The following OPCML variants were observed in gnomAD, a reference collection of about 807,000 sequenced individuals.
The protein encoded by OPCML is opioid binding protein/cell adhesion molecule like, also known as opioid-binding protein/cell adhesion molecule.
A neutral mutation model predicts 37.8 loss-of-function variants in OPCML; 13 were observed. The ratio of observed to expected loss-of-function variants is 0.34; its 90% CI spans 0.22 to 0.55. The LOEUF (loss-of-function observed/expected upper bound fraction) is 0.55, where lower values mean the gene tolerates loss of function less well. Among genes scored for constraint, OPCML ranks in the 20% least tolerant of loss-of-function variants. The pLI is 0.91. For missense variants in OPCML, 341 were observed against 435.6 expected, an observed-to-expected ratio of 0.78 and a Z score of 1.93; for synonymous variants, 176 against 168.8, an observed-to-expected ratio of 1.04 and a Z score of -0.33.
At chr11:132,708,182 G>T (rs1409993500) in intron 2 of OPCML, among the ~76,000 whole-genome samples, 1 of 152,192 alleles carries the variant, frequency 6.6e-6, no homozygotes, top group Non-Finnish European at 1.5e-5. Context: ...ACTAGAAAAT[G>T]ATTCCTATGC....
At chr11:132,586,149 T>C (rs1347402554) in intron 3 of OPCML, among the ~76,000 whole-genome samples, 2 of 152,168 alleles carry the variant, frequency 1.3e-5, no homozygotes, top group African/African-American at 4.8e-5. Flanking sequence ...CCCACATTGT[T>C]TCATTTGCCT....
chr11:132,477,029 C>A (rs1453571175), intron 4 of OPCML, among the ~76,000 whole-genome samples: 2 of 152,126 alleles, frequency 1.3e-5, no homozygotes, highest in Non-Finnish European at 2.9e-5. Flanking sequence ...AAATTGACCA[C>A]TTATCTTTGG....
At chr11:132,720,317 C>G (rs1273925317) in intron 2 of OPCML, among the ~76,000 whole-genome samples, 2 of 152,202 alleles carry the variant, frequency 1.3e-5, no homozygotes, top group Non-Finnish European at 2.9e-5. Context: ...CCCTCTCTCC[C>G]AAGTCGTTGT....
intron 1 of OPCML, among the ~76,000 whole-genome samples, chr11:133,410,634 TAAAAAAAAAAAAA>T (rs71038527): frequency 5.3e-4 from 25 of 47,008 alleles, no homozygotes; most frequent in South Asian, 2.5e-3. Context: ...AGAAAAAAAG[TAAAAAAAAAAAAA>T]AAAAAAAAAA....
chr11:132,893,420 G>A (rs1943726425), intron 2 of OPCML, among the ~76,000 whole-genome samples: 2 of 152,190 alleles, frequency 1.3e-5, no homozygotes, highest in South Asian at 4.1e-4. Flanking sequence ...TGGGCACTCA[G>A]CTAGCCCATC....
chr11:132,963,877 A>T (rs1411299513), intron 1 of OPCML, among the ~76,000 whole-genome samples: 1 of 152,082 alleles, frequency 6.6e-6, no homozygotes, highest in East Asian at 1.9e-4. Context: ...GGCACCTAAG[A>T]TTTCAGGGCC....
intron 1 of OPCML, among the ~76,000 whole-genome samples, chr11:133,320,731 A>C (rs1205585961): frequency 6.6e-6 from 1 of 152,216 alleles, no homozygotes; most frequent in Non-Finnish European, 1.5e-5. Flanking sequence ...CAATGTATAA[A>C]TAAACAGTAT....
intron 1 of OPCML, among the ~76,000 whole-genome samples, chr11:133,235,607 C>T (rs1940477244): frequency 6.6e-6 from 1 of 152,220 alleles, no homozygotes; most frequent in Admixed American, 6.5e-5. Context: ...CATGCAGCTG[C>T]TGCCTGTAAG....
At chr11:132,935,142 A>G (rs1238436938) in intron 2 of OPCML, among the ~76,000 whole-genome samples, 1 of 123,886 alleles carries the variant, frequency 8.1e-6, no homozygotes, top group East Asian at 2.1e-4. Flanking sequence ...TCCATCTCAG[A>G]AAAAAAAAAA....
chr11:133,093,918 G>A (rs1309213129), intron 1 of OPCML, among the ~76,000 whole-genome samples: 1 of 152,048 alleles, frequency 6.6e-6, no homozygotes, highest in Non-Finnish European at 1.5e-5. Flanking sequence ...TAATCTTTGA[G>A]GAAATATAAA....
intron 1 of OPCML, among the ~76,000 whole-genome samples, chr11:133,370,910 C>T (rs1415800613): frequency 1.3e-5 from 2 of 152,108 alleles, no homozygotes; most frequent in African/African-American, 2.4e-5. Flanking sequence ...AGAATATTTG[C>T]AAACTATTCA....
chr11:132,583,802 T>A (rs2096466886), intron 3 of OPCML, among the ~76,000 whole-genome samples: 1 of 151,912 alleles, frequency 6.6e-6, no homozygotes, highest in South Asian at 2.1e-4. Flanking sequence ...TTAGTAGAGA[T>A]GGAGTTTCCC....
chr11:133,375,177 T>C (rs1315174283), intron 1 of OPCML, among the ~76,000 whole-genome samples: 1 of 152,208 alleles, frequency 6.6e-6, no homozygotes, highest in Non-Finnish European at 1.5e-5. Context: ...TCCTCTGAAT[T>C]CTCATGACGT....
chr11:133,312,000 C>T (rs1047751457), intron 1 of OPCML, among the ~76,000 whole-genome samples: 5 of 152,032 alleles, frequency 3.3e-5, no homozygotes, highest in Admixed American at 6.5e-5. Flanking sequence ...AGAATGAGTC[C>T]CAGTGCTTAT....
intron 2 of OPCML, among the ~76,000 whole-genome samples, chr11:132,906,275 A>G (rs2136520567): frequency 6.6e-6 from 1 of 152,386 alleles, no homozygotes; most frequent in South Asian, 2.1e-4. Flanking sequence ...CTTTACAATA[A>G]TATCAATCAG....
chr11:133,072,672 C>T (rs1343572542), intron 1 of OPCML, among the ~76,000 whole-genome samples: 2 of 152,128 alleles, frequency 1.3e-5, no homozygotes, highest in African/African-American at 2.4e-5. Flanking sequence ...GAGAGGAGTT[C>T]GGTTGACTAT....
chr11:132,570,708 T>C (rs1175424337), intron 3 of OPCML, among the ~76,000 whole-genome samples: 1 of 120,806 alleles, frequency 8.3e-6, no homozygotes, highest in Non-Finnish European at 1.7e-5. Context: ...GCATGAAAAA[T>C]TATTTAAATA....
At chr11:132,578,477 G>C (rs1351536503) in intron 3 of OPCML, among the ~76,000 whole-genome samples, 1 of 152,136 alleles carries the variant, frequency 6.6e-6, no homozygotes, top group Non-Finnish European at 1.5e-5. Flanking sequence ...ATGCTAACTG[G>C]TCTGCATTTG....
intron 2 of OPCML, among the ~76,000 whole-genome samples, chr11:132,716,857 AAGATAAG>A (rs1311394508): frequency 6.6e-6 from 1 of 152,202 alleles, no homozygotes; most frequent in Non-Finnish European, 1.5e-5. Context: ...AAATGCCCCC[AAGATAAG>A]AGAGAAGAAG....
Sources: gnomAD v4.1 joint callset for allele counts (sites outside exome capture counted in the v4.1 genomes callset) on GRCh38, gnomAD v4.1.1 for gene constraint, MANE v1.5 for transcripts, NCBI Gene and HGNC (gene_info 2026-07-23, HGNC 2026-07-21) for gene names.